The following EXOC7 variants were observed in gnomAD, a reference collection of about 807,000 sequenced individuals.
EXOC7 encodes exocyst complex component 7.
Under a neutral mutation model 87.6 loss-of-function variants are expected in EXOC7, and 51 were observed. The observed-to-expected ratio is 0.58, with a 90% confidence interval of 0.46 to 0.73. The LOEUF (loss-of-function observed/expected upper bound fraction) is 0.73. Ranked by LOEUF, EXOC7 falls within the 30% of genes least tolerant of loss-of-function variation. The pLI is 0.00. For synonymous variants in EXOC7, 327 were observed against 357.1 expected, an observed-to-expected ratio of 0.92 and a Z score of 0.95; for missense variants, 744 against 888.4, an observed-to-expected ratio of 0.84 and a Z score of 2.07.
At chr17:76,085,654 A>ACTCACT (rs780511465) in intron 14 of EXOC7, 23 bp downstream of exon 14, 1 of 1,613,792 alleles carries the variant, frequency 6.2e-7, no homozygotes, top group African/African-American at 1.3e-5. Flanking sequence ...AGAGCCGCAG[A>ACTCACT]CTCACTCCCG....
rs763681538 is a variant in EXOC7 at position 76,101,789 on chromosome 17, C to T, written c.201G>A (p.Thr67=). 8.7e-6 allele frequency: 14 copies of T among 1,613,946 alleles called. No individual in the cohort carries two copies. The East Asian group carries it at 8.9e-5, about 10-fold the overall frequency. The change falls in exon 3 of 19, where the codon ACG becomes ACA. Residue 67 remains threonine, a synonymous_variant. Transcript: ENST00000589210. The part of the protein sequence containing the change: ...ENSIIPVHKQ[T]ENLQRLQENV... Reference sequence around the variant, plus strand: ...TCTCCTGCAGCCGCTGCAGATTCTCCGTCTGCTTGTGCACAGGGATGATGG... The same window carrying T: ...TCTCCTGCAGCCGCTGCAGATTCTCTGTCTGCTTGTGCACAGGGATGATGG...
At chr17:76,101,206 C>T (rs1228177553) in intron 4 of EXOC7, 65 bp downstream of exon 4, 6 of 1,613,574 alleles carry the variant, frequency 3.7e-6, no homozygotes, top group South Asian at 1.1e-5. Context: ...GCTCCATGTC[C>T]CTCATGAGAC....
At chr17:76,087,808 G>A in intron 11 of EXOC7, 88 bp from the exon 12 acceptor site, 2 of 1,414,636 alleles carry the variant, frequency 1.4e-6, no homozygotes. Flanking sequence ...CCCAGGGCCA[G>A]CCCAGGGCTG....
chr17:76,094,648 G>A, intron 5 of EXOC7, 67 bp from the exon 6 acceptor site: 1 of 1,506,436 alleles, frequency 6.6e-7, no homozygotes, highest in South Asian at 1.2e-5. Context: ...GACCCACCAT[G>A]TCTACCTGTC....
chr17:76,084,178 A>T, intron 17 of EXOC7, 39 bp from the exon 18 acceptor site: 1 of 1,597,066 alleles, frequency 6.3e-7, no homozygotes, highest in Non-Finnish European at 8.5e-7. Flanking sequence ...GCACCCAGAG[A>T]CAAACATTTT....
rs1364211626 is a variant in EXOC7, at chr17:76,086,675, C to T, written c.1430-530G>A. Among the ~76,000 whole-genome samples, 4 of 152,078 alleles carry T rather than the reference C, an allele frequency of 2.6e-5. No individual in the cohort carries two copies. In the East Asian group the frequency reaches 5.8e-4, roughly 22 times the overall value. On this transcript the variant is annotated intron_variant, in intron 12 of 18. Transcript: ENST00000589210. ...AGGGCTCTAGCCTGGGCAGGTGCTG[C>T]GGATAAGCTCAGAGACAGAGTGGCC...
intron 1 of EXOC7, 74 bp downstream of exon 1, chr17:76,103,559 T>C: frequency 6.9e-7 from 1 of 1,456,122 alleles, no homozygotes; most frequent in Middle Eastern, 1.9e-4. Flanking sequence ...GCCTCCTCCA[T>C]GAGTAGACAA....
chr17:76,094,323 G>T, intron 6 of EXOC7, 91 bp downstream of exon 6: 1 of 1,400,608 alleles, frequency 7.1e-7, no homozygotes, highest in Non-Finnish European at 9.7e-7. Context: ...CTCTGGAGGG[G>T]CCTGACGCTG....
At position 76,088,713 on chromosome 17, in the gene EXOC7, C is replaced by T. The variant is rs951132524; in HGVS notation, c.1200+58G>A. On this transcript the variant is annotated intron_variant, in intron 9 of 18. Transcript: ENST00000589210. ...TTCTCCCAGGGAGGGATGGGGCGGC[C>T]ACACCCGGCAGCACGATGCCTCCTG... 5 of 1,607,658 alleles carry T rather than the reference C, an allele frequency of 3.1e-6. No individual in the cohort carries two copies. In the African/African-American group the frequency reaches 6.7e-5, roughly 21 times the overall value.
chr17:76,103,105 A>G, intron 2 of EXOC7: 1 of 530,252 alleles, frequency 1.9e-6, no homozygotes, highest in Non-Finnish European at 3.4e-6. Flanking sequence ...AGAAGGAGAG[A>G]AGGAAGAATG....
rs536559451 is a variant in EXOC7 at position 76,082,406 on chromosome 17, C to T, written c.*1242G>A. The T allele has an allele frequency of 2.6e-4, 391 of 1,508,792 alleles. 1 individual carries two copies. In the East Asian group the frequency reaches 2.9e-3, roughly 11 times the overall value. 93.5% of individuals were successfully genotyped at this position (1,508,792 alleles called of 1,614,324 possible). ...TGATGACCCCTGGGGTTCGCTCTTC[C>T]GCTCATGTTGAGGGGACCTTGAAGA... On this transcript the variant is annotated 3_prime_UTR_variant, in exon 19 of 19. Coordinates refer to ENST00000589210, the MANE Select transcript of EXOC7 (RefSeq NM_001013839.4).
At position 76,081,671 on chromosome 17, in the gene EXOC7, G is replaced by A; in HGVS notation, c.*1977C>T. ...GGCCATTGAGCGCATAGGCTACAAG[G>A]TGACATTGCTGCTGAGTTACCTCGT... On this transcript the variant is annotated 3_prime_UTR_variant, in exon 19 of 19. Transcript: ENST00000589210. 3 of 1,614,174 alleles carry A rather than the reference G, an allele frequency of 1.9e-6. No individual in the cohort carries two copies. The highest frequency in any genetic ancestry group is 1.6e-4 in the Middle Eastern group (1 of 6,062).
At chr17:76,088,223 G>A in intron 10 of EXOC7, 101 bp from the exon 11 acceptor site, 1 of 1,277,110 alleles carries the variant, frequency 7.8e-7, no homozygotes, top group Non-Finnish European at 1.1e-6. Context: ...CGGGTGCTAG[G>A]ACACCTCTCA....
chr17:76,084,451 CCAGAGACACGACA>C, intron 16 of EXOC7, 53 bp downstream of exon 16: 2 of 1,586,956 alleles, frequency 1.3e-6, no homozygotes, highest in Non-Finnish European at 1.7e-6. Context: ...CCACTTTTTC[CCAGAGACACGACA>C]AAAAGTATCC....
At chr17:76,083,867 G>T in intron 18 of EXOC7, 117 bp from the exon 19 acceptor site, 1 of 1,480,114 alleles carries the variant, frequency 6.8e-7, no homozygotes, top group Non-Finnish European at 9.2e-7. Flanking sequence ...TCCCTGTCTG[G>T]CCCCGCCCCA....
At chr17:76,100,587 C>G (rs766165806) in intron 4 of EXOC7, among the ~76,000 whole-genome samples, 1 of 150,780 alleles carries the variant, frequency 6.6e-6, no homozygotes. Flanking sequence ...GAGCCGAGAT[C>G]GTGCCATTGC....
In EXOC7 at chr17:76,103,345, C is replaced by T. The variant is rs1213481036; in HGVS notation, c.126+16G>A. On this transcript the variant is annotated intron_variant, in intron 2 of 18. Coordinates refer to ENST00000589210, the MANE Select transcript of EXOC7 (RefSeq NM_001013839.4). ...TCCGGAGGCCTGCCCTCTCCCCCAG[C>T]TGCGGGGAGACTCACCATGTTCTTA... is the stretch of plus-strand genomic sequence containing the variant. The T allele has an allele frequency of 6.3e-7, 1 of 1,582,878 alleles. No individual in the cohort carries two copies. Among genetic ancestry groups the T allele is most frequent in the Non-Finnish European group, 8.6e-7 (1 of 1,163,134 alleles).
At position 76,088,346 on chromosome 17, in the gene EXOC7, G is replaced by GC. The variant is rs777741550; in HGVS notation, c.1299+117dup. On this transcript the variant is annotated intron_variant, in intron 10 of 18. Transcript: ENST00000589210. The stretch of plus-strand genomic sequence containing the variant: ...ACATGGGTGCTGACAGGCCAGTGGC[G>GC]CAGCTGGCTGCCCCGGGACAACGCA... 1.9e-4 allele frequency: 211 copies of GC among 1,085,514 alleles called. 1 individual carries two copies. The highest frequency in any genetic ancestry group is 2.7e-4 in the Non-Finnish European group (199 of 736,374). 67.2% of individuals were successfully genotyped at this position (1,085,514 alleles called of 1,614,324 possible).
chr17:76,082,211 C>G lies in EXOC7; in HGVS notation c.*1437G>C. ...TCCTCCTCCCTTAGAAGAAACAGGT[C>G]TGGGGCAGGGAGCAAGCTGAGCCTC... On this transcript the variant is annotated 3_prime_UTR_variant, in exon 19 of 19. Coordinates refer to ENST00000589210, the MANE Select transcript of EXOC7 (RefSeq NM_001013839.4). 1.0e-6 allele frequency: 1 copy of G among 986,462 alleles called. No individual in the cohort carries two copies. The highest frequency in any genetic ancestry group is 2.6e-5 in the East Asian group (1 of 37,806). 61.1% of individuals were successfully genotyped at this position (986,462 alleles called of 1,614,324 possible).
Sources: gnomAD v4.1 joint callset for allele counts (sites outside exome capture counted in the v4.1 genomes callset) on GRCh38, gnomAD v4.1.1 for gene constraint, MANE v1.5 for transcripts, NCBI Gene and HGNC (gene_info 2026-07-23, HGNC 2026-07-21) for gene names.